The following KCNS1 variants were observed in gnomAD, a reference collection of about 807,000 sequenced individuals.
KCNS1 encodes delayed-rectifier potassium channel regulatory subunit KCNS1.
A neutral mutation model predicts 33.1 loss-of-function variants in KCNS1; 26 were observed. The observed-to-expected ratio is 0.79, with a 90% confidence interval of 0.58 to 1.09. The LOEUF is 1.09. KCNS1 is among the 50% of genes least tolerant of loss of function. The probability of loss-of-function intolerance (pLI) is 0.00; values close to 1 mark genes in which losing one functional copy is unlikely to be tolerated. For missense variants in KCNS1, 702 were observed against 752.4 expected, an observed-to-expected ratio of 0.93 and a Z score of 0.78; for synonymous variants, 299 against 338.8, an observed-to-expected ratio of 0.88 and a Z score of 1.29.
chr20:45,097,515 CTGG>C, intron 3 of KCNS1, 144 bp downstream of exon 3: 1 of 749,190 alleles, frequency 1.3e-6, no homozygotes, highest in East Asian at 2.7e-5. Context: ...AAACGTACAC[CTGG>C]TGTGCAGCCC....
In KCNS1 at chr20:45,094,993, C is replaced by A; in HGVS notation, c.1458G>T (p.Leu486=). The A allele has an allele frequency of 6.2e-7, 1 of 1,613,836 alleles. No individual in the cohort carries two copies. The highest frequency in any genetic ancestry group is 1.1e-5 in the South Asian group (1 of 91,058). ...NSNHQEFEDL[L]SSIDGVSEAS... Reference sequence around the variant, plus strand: ...CCTCCGACACCCCATCAATGCTGCTCAGCAAGTCCTCAAACTCTTGGTGGT... The same window carrying A: ...CCTCCGACACCCCATCAATGCTGCTAAGCAAGTCCTCAAACTCTTGGTGGT... The change falls in exon 4 of 4, where the codon CTG becomes CTT. Residue 486 remains leucine (L), a synonymous_variant. Transcript: ENST00000537075.
At position 45,098,639 on chromosome 20, in the gene KCNS1, A is replaced by G. The variant is rs1981296753; in HGVS notation, c.133T>C (p.Trp45Arg). The G allele has an allele frequency of 2.0e-6, 3 of 1,474,120 alleles. No individual in the cohort carries two copies. The highest frequency in any genetic ancestry group is 2.7e-6 in the Non-Finnish European group (3 of 1,113,740). The allele number at this position is 1,474,120 out of a possible 1,614,324, so 91.3% of individuals were successfully genotyped here. Residue 45 changes from tryptophan (W) to arginine (R), a missense_variant, in exon 3 of 4, where the codon TGG (tryptophan) becomes CGG (arginine). Trp to Arg is a moderately radical substitution (Grantham distance 101, BLOSUM62 -3). This residue lies in a region of KCNS1 where 374 missense variants were observed against 352.3 expected (regional missense o/e 1.06). Coordinates refer to ENST00000537075, the MANE Select transcript of KCNS1 (RefSeq NM_001322799.2). The surrounding 1 kb of genome is among the most constrained non-coding windows in gnomAD (Gnocchi z 5.2). ...EFPGPDTGIR[W>R]RRSDEALRVN... is the part of the protein sequence containing the mutation. ...CGCAGCGCCTCGTCGCTTCGCCGCC[A>G]GCGGATCCCGGTGTCGGGGCCCGGG...
At position 45,092,285 on chromosome 20, in the gene KCNS1, C is replaced by T. The variant is rs1350738664; in HGVS notation, c.*2585G>A. On this transcript the variant is annotated 3_prime_UTR_variant, in exon 4 of 4. Transcript: ENST00000537075. Reference sequence around the variant, plus strand: ...CTCAGACAGCATGTCAGGGAGCCATCTCCATACAAGCAGAAACACGTCCTG... The same window carrying T: ...CTCAGACAGCATGTCAGGGAGCCATTTCCATACAAGCAGAAACACGTCCTG... 6.6e-6 allele frequency: 1 copy of T among 152,048 alleles called. No homozygotes were observed. The highest frequency in any genetic ancestry group is 1.5e-5 in the Non-Finnish European group (1 of 68,036). The allele number at this position is 152,048 out of a possible 1,614,324, so 9.4% of individuals were successfully genotyped here.
Position 45,098,436 on chromosome 20 carries a change from C to A in KCNS1, c.336G>T (p.Leu112=), listed in dbSNP as rs779334922. The A allele has an allele frequency of 4.4e-6, 7 of 1,594,244 alleles. No individual in the cohort carries two copies. The Admixed American group carries it at 6.8e-5, about 16-fold the overall frequency. The part of the protein sequence containing the change: ...FYFDRHPGFF[L]SLLHFYRTGH... ...CAGTGCGGTAGAAGTGCAGCAGGCT[C>A]AGGAAGAAGCCCGGGTGCCGGTCGA... is the stretch of plus-strand genomic sequence containing the variant. The change falls in exon 3 of 4, where the codon CTG becomes CTT. Residue 112 remains leucine, a synonymous_variant. Transcript: ENST00000537075. The surrounding 1 kb of genome is among the most constrained non-coding windows in gnomAD (Gnocchi z 5.2).
At chr20:45,099,974 T>G (rs1285831178) in intron 1 of KCNS1, among the ~76,000 whole-genome samples, 13 of 152,224 alleles carry the variant, frequency 8.5e-5, no homozygotes, top group Non-Finnish European at 8.8e-5. Flanking sequence ...CTCTATCACT[T>G]GTGTGACCTC....
intron 3 of KCNS1, among the ~76,000 whole-genome samples, chr20:45,096,375 G>C (rs562909240): frequency 2.6e-5 from 4 of 152,288 alleles, no homozygotes; most frequent in African/African-American, 9.6e-5. Context: ...TCTCTGCATG[G>C]AGGGGACAGG....
rs919392597 is a variant in KCNS1 at position 45,098,915 on chromosome 20, A to G, written c.77-220T>C. ...CATCCCCATCATTTGACTTTGGCCA[A>G]ATCACTGACCCACCCCACCCCCATT... On this transcript the variant is annotated intron_variant, in intron 2 of 3. Transcript: ENST00000537075. The surrounding 1 kb of genome is among the most constrained non-coding windows in gnomAD (Gnocchi z 5.2). Among the ~76,000 whole-genome samples the G allele has an allele frequency of 1.3e-5, 2 of 152,080 alleles. No individual in the cohort carries two copies. Among genetic ancestry groups the G allele is most frequent in the African/African-American group, 2.4e-5 (1 of 41,422 alleles).
chr20:45,093,593 G>T lies in KCNS1; in HGVS notation c.*1277C>A, dbSNP rs1018180659. Reference sequence around the variant, plus strand: ...CACAGTGCTGGGTGCTGTAGCCACAGTATGTGGAAAGGGCTACTGGATCCC... The same window carrying T: ...CACAGTGCTGGGTGCTGTAGCCACATTATGTGGAAAGGGCTACTGGATCCC... On this transcript the variant is annotated 3_prime_UTR_variant, in exon 4 of 4. Coordinates refer to ENST00000537075, the MANE Select transcript of KCNS1 (RefSeq NM_001322799.2). 1 of 152,286 alleles carries T rather than the reference G, an allele frequency of 6.6e-6. No individual in the cohort carries two copies. The highest frequency in any genetic ancestry group is 1.5e-5 in the Non-Finnish European group (1 of 68,090). 9.4% of individuals were successfully genotyped at this position (152,286 alleles called of 1,614,324 possible). A position where few individuals can be genotyped will look rare whatever the true frequency, so the allele number is the denominator to read the frequency against.
chr20:45,098,267 C>T lies in KCNS1; in HGVS notation c.505G>A (p.Glu169Lys), dbSNP rs368048059. Residue 169 changes from glutamate to lysine, a missense_variant, in exon 3 of 4, where the codon GAG becomes AAG. Physicochemically the swap from Glu to Lys is moderately conservative, Grantham distance 56. Around this residue, in one of 3 missense-constraint regions of KCNS1, gnomAD observed 374 missense variants for 352.3 expected, o/e 1.06. Transcript: ENST00000537075. This position sits in a 1 kb window ranked among gnomAD's most constrained non-coding sequence, Gnocchi z 5.2. Reference sequence around the variant, plus strand: ...ACGCTGCTCGGCGTGTCGCTGTCCTCGTCCCAGGCGTGCGGCTGGGTCAGC... The same window carrying T: ...ACGCTGCTCGGCGTGTCGCTGTCCTTGTCCCAGGCGTGCGGCTGGGTCAGC... ...RRLTQPHAWD[E>K]DSDTPSSVDP... The T allele has an allele frequency of 1.3e-5, 21 of 1,590,296 alleles. No individual in the cohort carries two copies. Among genetic ancestry groups the T allele is most frequent in the Non-Finnish European group, 1.7e-5 (20 of 1,170,574 alleles).
chr20:45,099,269 A>C (rs1243191696), intron 1 of KCNS1, 30 bp from the exon 2 acceptor site: 3 of 1,177,450 alleles, frequency 2.5e-6, no homozygotes, highest in African/African-American at 3.1e-5. Flanking sequence ...GCAAATTCTC[A>C]GCCTGCCATC....
Position 45,095,017 on chromosome 20 carries a change from G to T in KCNS1, c.1434C>A (p.Asn478Lys). 6.2e-7 allele frequency: 1 copy of T among 1,613,808 alleles called. No individual in the cohort carries two copies. The highest frequency in any genetic ancestry group is 8.5e-7 in the Non-Finnish European group (1 of 1,179,966). ...KALEAAVRNS[N>K]HQEFEDLLSS... Reference sequence around the variant, plus strand: ...TCAGCAAGTCCTCAAACTCTTGGTGGTTGCTGTTGCGCACGGCTGCCTCCA... The same window carrying T: ...TCAGCAAGTCCTCAAACTCTTGGTGTTTGCTGTTGCGCACGGCTGCCTCCA... Residue 478 changes from asparagine (N) to lysine (K), a missense_variant, in exon 4 of 4, where the codon AAC becomes AAA. By Grantham distance (94) the Asn-to-Lys change is moderately conservative (BLOSUM62 0). This residue lies in a region of KCNS1 where 75 missense variants were observed against 72.7 expected (regional missense o/e 1.03). Coordinates refer to ENST00000537075, the MANE Select transcript of KCNS1 (RefSeq NM_001322799.2).
At position 45,098,129 on chromosome 20, in the gene KCNS1, A is replaced by G. The variant is rs1350091582; in HGVS notation, c.643T>C (p.Tyr215His). ...RLWLTMENPG[Y>H]SLPSKLFSCV... ...CTGAAGAGCTTGCTCGGCAGCGAGT[A>G]GCCCGGGTTCTCCATGGTCAGCCAG... The change falls in exon 3 of 4, where the codon TAC (tyrosine) becomes CAC (histidine). Residue 215 changes from tyrosine to histidine, a missense_variant. Physicochemically the swap from Tyr to His is moderately conservative, Grantham distance 83 (BLOSUM62 2). This residue lies in a region of KCNS1 where 374 missense variants were observed against 352.3 expected (regional missense o/e 1.06). Coordinates refer to ENST00000537075, the MANE Select transcript of KCNS1 (RefSeq NM_001322799.2). This position sits in a 1 kb window ranked among gnomAD's most constrained non-coding sequence, Gnocchi z 5.2. 5.6e-6 allele frequency: 9 copies of G among 1,603,388 alleles called. No homozygotes were observed. In the South Asian group the frequency reaches 6.7e-5, roughly 12 times the overall value.
rs1328288569 is a variant in KCNS1, at chr20:45,095,158, C to T, written c.1293G>A (p.Thr431=). The T allele has an allele frequency of 1.1e-5, 18 of 1,613,968 alleles. No homozygotes were observed. The highest frequency in any genetic ancestry group is 1.6e-4 in the Middle Eastern group (1 of 6,084). The change falls in exon 4 of 4, where the codon ACG becomes ACA. Residue 431 remains threonine, a synonymous_variant. Coordinates refer to ENST00000537075, the MANE Select transcript of KCNS1 (RefSeq NM_001322799.2). ...CTGAGGCTGCCAGCTTGCCAGCCACCGTCACTGGCACCACATCCCCATAGC... is the reference window on the plus strand; with the variant it reads ...CTGAGGCTGCCAGCTTGCCAGCCACTGTCACTGGCACCACATCCCCATAGC... ...TVGYGDVVPV[T]VAGKLAASGC...
Position 45,094,186 on chromosome 20 carries a change from C to T in KCNS1, c.*684G>A, listed in dbSNP as rs756059085. The T allele has an allele frequency of 6.6e-6, 1 of 152,290 alleles. No individual in the cohort carries two copies. Among genetic ancestry groups the T allele is most frequent in the African/African-American group, 2.4e-5 (1 of 41,452 alleles). The allele number at this position is 152,290 out of a possible 1,614,324, so 9.4% of individuals were successfully genotyped here. On this transcript the variant is annotated 3_prime_UTR_variant, in exon 4 of 4. Transcript: ENST00000537075. ...GGTACTTCCTCCCAGGACTCATCCTCCTTCCCTCCAGGACTCATCTTTGAT... is the reference window on the plus strand; with the variant it reads ...GGTACTTCCTCCCAGGACTCATCCTTCTTCCCTCCAGGACTCATCTTTGAT...
At position 45,098,454 on chromosome 20, in the gene KCNS1, C is replaced by T. The variant is rs1316332092; in HGVS notation, c.318G>A (p.Arg106=). 1 of 1,586,024 alleles carries T rather than the reference C, an allele frequency of 6.3e-7. No homozygotes were observed. The highest frequency in any genetic ancestry group is 1.4e-5 in the African/African-American group (1 of 73,890). ...DEAAREFYFD[R]HPGFFLSLLH... is the part of the protein sequence containing the mutation. ...GCAGGCTCAGGAAGAAGCCCGGGTGCCGGTCGAAGTAGAATTCGCGCGCCG... is the reference window on the plus strand; with the variant it reads ...GCAGGCTCAGGAAGAAGCCCGGGTGTCGGTCGAAGTAGAATTCGCGCGCCG... The change falls in exon 3 of 4, where the codon CGG becomes CGA. Residue 106 remains arginine (R), a synonymous_variant. Transcript: ENST00000537075. This position sits in a 1 kb window ranked among gnomAD's most constrained non-coding sequence, Gnocchi z 5.2.
chr20:45,100,234 A>T (rs1220244714), intron 1 of KCNS1: 2 of 152,152 alleles, frequency 1.3e-5, no homozygotes, highest in Non-Finnish European at 2.9e-5. Flanking sequence ...GTAGCATCAT[A>T]CTTTCCAGGA....
Position 45,094,824 on chromosome 20 carries a change from G to C in KCNS1, c.*46C>G. 1 of 1,454,218 alleles carries C rather than the reference G, an allele frequency of 6.9e-7. No individual in the cohort carries two copies. The highest frequency in any genetic ancestry group is 9.4e-7 in the Non-Finnish European group (1 of 1,060,134). 90.1% of individuals were successfully genotyped at this position (1,454,218 alleles called of 1,614,324 possible). On this transcript the variant is annotated 3_prime_UTR_variant, in exon 4 of 4. Coordinates refer to ENST00000537075, the MANE Select transcript of KCNS1 (RefSeq NM_001322799.2). ...ACCATGAAGAACTTTAGCAGGGGAG[G>C]AATCTCTACTGTAGGGGCATGGCAG... is the stretch of plus-strand genomic sequence containing the variant.
In KCNS1 at chr20:45,098,413, G is replaced by A; in HGVS notation, c.359C>T (p.Thr120Ile). Residue 120 changes from threonine (T) to isoleucine (I), a missense_variant, in exon 3 of 4, where the codon ACT becomes ATT. By Grantham distance (89) the Thr-to-Ile change is moderately conservative (BLOSUM62 -1). This residue lies in a region of KCNS1 where 374 missense variants were observed against 352.3 expected (regional missense o/e 1.06). Transcript: ENST00000537075. This position sits in a 1 kb window ranked among gnomAD's most constrained non-coding sequence, Gnocchi z 5.2. ...CTCGTCGAGCACGTGCAGGTGGCCAGTGCGGTAGAAGTGCAGCAGGCTCAG... is the reference window on the plus strand; with the variant it reads ...CTCGTCGAGCACGTGCAGGTGGCCAATGCGGTAGAAGTGCAGCAGGCTCAG... ...FFLSLLHFYR[T>I]GHLHVLDELC... The A allele has an allele frequency of 6.3e-7, 1 of 1,596,944 alleles. No individual in the cohort carries two copies. Among genetic ancestry groups the A allele is most frequent in the Non-Finnish European group, 8.5e-7 (1 of 1,172,304 alleles).
rs141857067 is a variant in KCNS1 at position 45,097,704 on chromosome 20, C to T, written c.1068G>A (p.Ala356=). 114 of 1,610,240 alleles carry T rather than the reference C, an allele frequency of 7.1e-5. No homozygotes were observed. The African/African-American group carries it at 1.4e-3, about 20-fold the overall frequency. Residue 356 remains alanine, a synonymous_variant, in exon 3 of 4, where the codon GCG becomes GCA. Transcript: ENST00000537075. ...LMRIFRVLKL[A]RHSTGLRSLG... is the part of the protein sequence containing the mutation. The stretch of plus-strand genomic sequence containing the variant: ...GCGAGCGCAGCCCGGTGGAATGGCG[C>T]GCCAACTTGAGTACGCGGAAGATGC...
Sources: allele counts gnomAD v4.1 joint callset (sites outside exome capture counted in the v4.1 genomes callset), GRCh38; gene constraint gnomAD v4.1.1; regional missense constraint gnomAD v4.1.1; non-coding constraint Gnocchi (gnomAD v3.1); transcripts MANE v1.5; gene names NCBI Gene and HGNC (gene_info 2026-07-23, HGNC 2026-07-21).